The following DET1 variants were observed in gnomAD, a reference collection of about 807,000 sequenced individuals.
DET1 encodes DET1 partner of COP1 E3 ubiquitin ligase, also known as DET1 homolog.
DET1 carries 22 observed loss-of-function variants against 43.7 expected under a neutral mutation model. The observed-to-expected ratio is 0.50, with a 90% CI of 0.36 to 0.72. The LOEUF is 0.72. Ranked by LOEUF, DET1 falls within the 30% of genes least tolerant of loss-of-function variation. DET1 has a pLI of 0.00. For synonymous variants in DET1, 315 were observed against 266.2 expected, an observed-to-expected ratio of 1.18 and a Z score of -1.79; for missense variants, 713 against 713.3, an observed-to-expected ratio of 1.00 and a Z score of 0.00.
intron 1 of DET1, among the ~76,000 whole-genome samples, chr15:88,542,467 C>T (rs1050889253): frequency 3.9e-5 from 6 of 152,170 alleles, no homozygotes; most frequent in South Asian, 2.1e-4. Flanking sequence ...GGAGGCTTAT[C>T]GCATTTATAC....
intron 1 of DET1, among the ~76,000 whole-genome samples, chr15:88,533,072 G>C (rs544110628): frequency 2.0e-5 from 3 of 152,066 alleles, no homozygotes; most frequent in African/African-American, 4.8e-5. Flanking sequence ...AACATATAAA[G>C]AACTCCTATA....
chr15:88,517,223 G>GGTTTT (rs1218282631), intron 3 of DET1, among the ~76,000 whole-genome samples: 1 of 140,108 alleles, frequency 7.1e-6, no homozygotes, highest in African/African-American at 2.7e-5. Context: ...TTGGGTTTTG[G>GGTTTT]GTTTTTTTTT....
At chr15:88,525,827 A>ATTTTTTTTTTTTTTTTTTTT (rs10658727) in intron 3 of DET1, among the ~76,000 whole-genome samples, 3 of 90,698 alleles carry the variant, frequency 3.3e-5, no homozygotes, top group Non-Finnish European at 4.3e-5. Context: ...ACACTCGGCT[A>ATTTTTTTTTTTTTTTTTTTT]TTTTTTTTTT....
At chr15:88,517,459 C>T (rs1011199889) in intron 3 of DET1, among the ~76,000 whole-genome samples, 5 of 152,058 alleles carry the variant, frequency 3.3e-5, no homozygotes, top group African/African-American at 7.2e-5. Flanking sequence ...CTCCTGGGTT[C>T]AACTGATCTG....
chr15:88,519,843 C>G (rs1014081820), intron 3 of DET1, among the ~76,000 whole-genome samples: 3 of 152,144 alleles, frequency 2.0e-5, no homozygotes, highest in African/African-American at 7.2e-5. Context: ...TATGTGGGCC[C>G]TTAATGCTGC....
At chr15:88,535,008 C>T (rs772494181) in intron 1 of DET1, among the ~76,000 whole-genome samples, 12 of 152,290 alleles carry the variant, frequency 7.9e-5, no homozygotes, top group Middle Eastern at 6.8e-3. Flanking sequence ...TTCTCTGAGA[C>T]AGATTTTGAA....
In DET1 at chr15:88,531,955, G is replaced by A. The variant is rs1347357773; in HGVS notation, c.-10-240C>T. Reference sequence around the variant, plus strand: ...TAGGAATACCTTCCAAGTATGCTCAGCTGTTGGGAAAGTTCAACAGAAAAA... The same window carrying A: ...TAGGAATACCTTCCAAGTATGCTCAACTGTTGGGAAAGTTCAACAGAAAAA... On this transcript the variant is annotated intron_variant, in intron 1 of 4. Transcript: ENST00000268148. This position sits in a 1 kb window ranked among gnomAD's most constrained non-coding sequence, Gnocchi z 6.2. The A allele has an allele frequency of 2.1e-6, 1 of 470,872 alleles. No individual in the cohort carries two copies. Among genetic ancestry groups the A allele is most frequent in the East Asian group, 3.6e-5 (1 of 27,708 alleles). The allele number at this position is 470,872 out of a possible 1,614,324, so 29.2% of individuals were successfully genotyped here.
intron 3 of DET1, among the ~76,000 whole-genome samples, chr15:88,519,114 G>A (rs1354798340): frequency 1.3e-5 from 2 of 152,140 alleles, no homozygotes; most frequent in Non-Finnish European, 2.9e-5. Context: ...TAAAATGATG[G>A]GGGCTGGCTC....
At chr15:88,543,214 C>T (rs970248494) in intron 1 of DET1, among the ~76,000 whole-genome samples, 1 of 152,092 alleles carries the variant, frequency 6.6e-6, no homozygotes, top group African/African-American at 2.4e-5. Flanking sequence ...TTGGAGACAC[C>T]CAATGGCTTA....
At chr15:88,534,944 A>G (rs1364275806) in intron 1 of DET1, among the ~76,000 whole-genome samples, 3 of 152,246 alleles carry the variant, frequency 2.0e-5, no homozygotes, top group Non-Finnish European at 2.9e-5. Context: ...AAAAAACTCA[A>G]TCTAGAAAAG....
Position 88,516,116 on chromosome 15 carries a change from G to A in DET1, c.1463+666C>T, listed in dbSNP as rs946263020. On this transcript the variant is annotated intron_variant, in intron 4 of 4. Transcript: ENST00000268148. The surrounding 1 kb of genome is among the most constrained non-coding windows in gnomAD (Gnocchi z 4.4). Reference sequence around the variant, plus strand: ...TTTCTGTGTGAAAAAGACCTTCCAAGCTCCAGCCTATAGCCTCAGGAACAC... The same window carrying A: ...TTTCTGTGTGAAAAAGACCTTCCAAACTCCAGCCTATAGCCTCAGGAACAC... Among the ~76,000 whole-genome samples, 3 of 152,086 alleles carry A rather than the reference G, an allele frequency of 2.0e-5. No homozygotes were observed. The highest frequency in any genetic ancestry group is 4.4e-5 in the Non-Finnish European group (3 of 68,026).
chr15:88,512,844 G>A lies in DET1; in HGVS notation c.*107C>T. On this transcript the variant is annotated 3_prime_UTR_variant, in exon 5 of 5. Coordinates refer to ENST00000268148, the MANE Select transcript of DET1 (RefSeq NM_001144074.3). The stretch of plus-strand genomic sequence containing the variant: ...CTCTCTCCCATCTGAGGTATAGCAG[G>A]CTGGAACTAACAGAGCTAGTAGTCG... 6.7e-7 allele frequency: 1 copy of A among 1,502,946 alleles called. No homozygotes were observed. The highest frequency in any genetic ancestry group is 2.1e-5 in the Admixed American group (1 of 46,518). The allele number at this position is 1,502,946 out of a possible 1,614,324, so 93.1% of individuals were successfully genotyped here.
Position 88,516,673 on chromosome 15 carries a change from C to T in DET1, c.1463+109G>A. ...AATAGCCTGCCTTTTCAACCTTACC[C>T]ATGAGTACGAGTCACAGTCACAATC... is the stretch of plus-strand genomic sequence containing the variant. On this transcript the variant is annotated intron_variant, in intron 4 of 4. Coordinates refer to ENST00000268148, the MANE Select transcript of DET1 (RefSeq NM_001144074.3). The surrounding 1 kb of genome is among the most constrained non-coding windows in gnomAD (Gnocchi z 4.4). 1.0e-6 allele frequency: 1 copy of T among 975,924 alleles called. No homozygotes were observed. The highest frequency in any genetic ancestry group is 1.4e-6 in the Non-Finnish European group (1 of 700,496). The allele number at this position is 975,924 out of a possible 1,614,324, so 60.5% of individuals were successfully genotyped here.
rs78356360 is a variant in DET1 at position 88,544,926 on chromosome 15, G to A, written c.-11+1614C>T. On this transcript the variant is annotated intron_variant, in intron 1 of 4. Transcript: ENST00000268148. ...GCTTGTCCCAAAAGCAGGAAGTGTCGACCTTGTAGCAGGATTTGGGTGCTC... is the reference window on the plus strand; with the variant it reads ...GCTTGTCCCAAAAGCAGGAAGTGTCAACCTTGTAGCAGGATTTGGGTGCTC... Among the ~76,000 whole-genome samples, 1,032 of 152,206 alleles carry A rather than the reference G, an allele frequency of 6.8e-3. 41 individuals are homozygous for A. Among genetic ancestry groups the A allele is most frequent in the Admixed American group, 0.057 (872 of 15,280 alleles).
chr15:88,534,030 G>A (rs1057456452), intron 1 of DET1, among the ~76,000 whole-genome samples: 3 of 152,052 alleles, frequency 2.0e-5, no homozygotes, highest in South Asian at 2.1e-4. Context: ...AAAACTTCTC[G>A]AGATCAATTT....
rs776982818 is a variant in DET1 at position 88,516,777 on chromosome 15, T to C, written c.1463+5A>G. On this transcript the variant is annotated splice_donor_5th_base_variant and intron_variant, in intron 4 of 4. Coordinates refer to ENST00000268148, the MANE Select transcript of DET1 (RefSeq NM_001144074.3). The surrounding 1 kb of genome is among the most constrained non-coding windows in gnomAD (Gnocchi z 4.4). ...CAGTTTGTAGCTATAGCAGTGACACTGTACCTGATTGGGTGATCTCCACAA... is the reference window on the plus strand; with the variant it reads ...CAGTTTGTAGCTATAGCAGTGACACCGTACCTGATTGGGTGATCTCCACAA... 2 of 1,563,560 alleles carry C rather than the reference T, an allele frequency of 1.3e-6. No individual in the cohort carries two copies. The highest frequency in any genetic ancestry group is 1.7e-6 in the Non-Finnish European group (2 of 1,160,024).
chr15:88,542,799 G>A (rs2057144853), intron 1 of DET1, among the ~76,000 whole-genome samples: 1 of 152,142 alleles, frequency 6.6e-6, no homozygotes, highest in African/African-American at 2.4e-5. Flanking sequence ...GTTCCCACCA[G>A]AAAAGTAAAA....
intron 1 of DET1, among the ~76,000 whole-genome samples, chr15:88,538,850 C>T (rs1475136093): frequency 6.6e-6 from 1 of 152,268 alleles, no homozygotes; most frequent in East Asian, 1.9e-4. Flanking sequence ...GCTTCTCACC[C>T]CGGGGTCAGG....
At chr15:88,546,491 G>A (rs979359557) in intron 1 of DET1, 49 bp downstream of exon 1, 5 of 152,488 alleles carry the variant, frequency 3.3e-5, no homozygotes, top group African/African-American at 1.2e-4. Context: ...AGCCTGCCGG[G>A]GAGGGTCTGA....
Sources: allele counts gnomAD v4.1 joint callset (sites outside exome capture counted in the v4.1 genomes callset), GRCh38; gene constraint gnomAD v4.1.1; non-coding constraint Gnocchi (gnomAD v3.1); transcripts MANE v1.5; gene names NCBI Gene and HGNC (gene_info 2026-07-23, HGNC 2026-07-21).